Variants in ZNF292 observed in about 807,000 individuals in gnomAD.
ZNF292 encodes the protein 16 zinc-finger domain protein.
In ZNF292, 26 loss-of-function variants were observed where a neutral mutation model predicts 217.9. The observed-to-expected ratio is 0.12, with a 90% CI of 0.09 to 0.17. The LOEUF (loss-of-function observed/expected upper bound fraction) is 0.17. Among genes scored for constraint, ZNF292 ranks in the 10% least tolerant of loss-of-function variants. The pLI is 1.00. For missense variants in ZNF292, 2,904 were observed against 3,175.2 expected (o/e 0.91, Z 2.05); for synonymous variants, 1,257 against 1,124.1 (o/e 1.12, Z -2.37).
At chr6:87,176,153 A>ACTGCTT (rs1771284018) in intron 1 of ZNF292, among the ~76,000 whole-genome samples, 1 of 152,218 alleles carries the variant, frequency 6.6e-6, no homozygotes, top group Non-Finnish European at 1.5e-5. Flanking sequence ...GTCACCTTTA[A>ACTGCTT]CAGACTACAG....
At chr6:87,242,916 A>G (rs192073925) in intron 5 of ZNF292, among the ~76,000 whole-genome samples, 124 of 152,328 alleles carry the variant, frequency 8.1e-4, no homozygotes, top group African/African-American at 2.9e-3. Flanking sequence ...TGAAAAGAAA[A>G]ATAGTGGAGA....
rs765037711 is a variant in ZNF292 at position 87,245,675 on chromosome 6, A to T, written c.1020+31A>T. The T allele has an allele frequency of 3.0e-6, 4 of 1,318,312 alleles. No individual in the cohort carries two copies. The African/African-American group carries it at 6.0e-5, about 20-fold the overall frequency. 81.7% of individuals were successfully genotyped at this position (1,318,312 alleles called of 1,614,324 possible). ...AATAATCAGAATATTTTTAAGGTTA[A>T]AATGTGTACATTATCATTAATAAAA... On this transcript the variant is annotated intron_variant, in intron 7 of 7. Transcript: ENST00000369577.
chr6:87,225,541 G>C (rs1249574509), intron 4 of ZNF292, among the ~76,000 whole-genome samples: 1 of 152,070 alleles, frequency 6.6e-6, no homozygotes, highest in Non-Finnish European at 1.5e-5. Context: ...ATGAATTTCT[G>C]TGAAAAGTGT....
chr6:87,198,423 C>T (rs75962802), intron 1 of ZNF292, among the ~76,000 whole-genome samples: 1 of 152,264 alleles, frequency 6.6e-6, no homozygotes, highest in South Asian at 2.1e-4. Context: ...CTAGGATAGT[C>T]TTGATCTCCT....
chr6:87,244,753 C>A (rs1291255428), intron 6 of ZNF292, among the ~76,000 whole-genome samples: 1 of 151,844 alleles, frequency 6.6e-6, no homozygotes, highest in Non-Finnish European at 1.5e-5. Flanking sequence ...ATAATAATAA[C>A]CTTATTGTCA....
chr6:87,219,097 T>C (rs1227045382), intron 4 of ZNF292, among the ~76,000 whole-genome samples: 1 of 152,198 alleles, frequency 6.6e-6, no homozygotes, highest in Non-Finnish European at 1.5e-5. Flanking sequence ...AAGAAGTCAG[T>C]ACTAGAACTC....
intron 1 of ZNF292, among the ~76,000 whole-genome samples, chr6:87,192,845 G>A (rs1445969352): frequency 6.6e-6 from 1 of 152,074 alleles, no homozygotes; most frequent in Non-Finnish European, 1.5e-5. Flanking sequence ...TGCATTGCAC[G>A]TCCCTGTATT....
At chr6:87,175,102 C>T (rs1399075842) in intron 1 of ZNF292, among the ~76,000 whole-genome samples, 1 of 152,150 alleles carries the variant, frequency 6.6e-6, no homozygotes, top group Admixed American at 6.6e-5. Context: ...GTCTTTTAGC[C>T]TATGGACGAG....
chr6:87,163,988 A>T (rs150418218), intron 1 of ZNF292, among the ~76,000 whole-genome samples: 17 of 152,360 alleles, frequency 1.1e-4, no homozygotes, highest in African/African-American at 4.1e-4. Context: ...AGTTTGAGGC[A>T]TTGAAATAAA....
intron 1 of ZNF292, among the ~76,000 whole-genome samples, chr6:87,198,828 A>G (rs993672674): frequency 3.3e-5 from 5 of 152,230 alleles, no homozygotes; most frequent in Non-Finnish European, 5.9e-5. Flanking sequence ...AATGGGATAA[A>G]AGCTATCAAA....
In ZNF292 at chr6:87,256,538, T is replaced by TA; in HGVS notation, c.2910dup (p.His971ThrfsTer5). The TA allele has an allele frequency of 6.2e-7, 1 of 1,613,390 alleles. No homozygotes were observed. The highest frequency in any genetic ancestry group is 8.5e-7 in the Non-Finnish European group (1 of 1,179,826). ...AGTGGTGAAGCACTGGTCACAGACT[T>TA]ACATACGCCAGTTGAAGATACTTGT... On this transcript the variant is annotated frameshift_variant, in exon 8 of 8. Coordinates refer to ENST00000369577, the MANE Select transcript of ZNF292 (RefSeq NM_015021.3). LOFTEE classifies it high-confidence loss of function.
rs541734133 is a variant in ZNF292, at chr6:87,258,535, C to T, written c.4906C>T (p.Pro1636Ser). ...TTCTAAGAGAAGAAAGAAAGTTGCTCCTCCACTAATTGCACCTAACGCTTC... is the reference window on the plus strand; with the variant it reads ...TTCTAAGAGAAGAAAGAAAGTTGCTTCTCCACTAATTGCACCTAACGCTTC... ...SASKRRKKVA[P>S]PLIAPNASQN... Residue 1636 changes from proline to serine, a missense_variant, in exon 8 of 8, where the codon CCT (proline) becomes TCT (serine). Physicochemically the swap from Pro to Ser is moderately conservative, Grantham distance 74. Around this residue, in one of 15 missense-constraint regions of ZNF292, gnomAD observed 622 missense variants for 573.1 expected, o/e 1.09. Coordinates refer to ENST00000369577, the MANE Select transcript of ZNF292 (RefSeq NM_015021.3). 5 of 1,613,588 alleles carry T rather than the reference C, an allele frequency of 3.1e-6. No homozygotes were observed. Among genetic ancestry groups the T allele is most frequent in the Middle Eastern group, 3.3e-4 (2 of 6,060 alleles).
At chr6:87,208,894 A>G (rs1320250073) in intron 1 of ZNF292, among the ~76,000 whole-genome samples, 1 of 152,196 alleles carries the variant, frequency 6.6e-6, no homozygotes, top group East Asian at 1.9e-4. Context: ...TGCTGTCTAT[A>G]GGGAGTATGT....
chr6:87,235,790 CTT>C (rs771837325), intron 5 of ZNF292, among the ~76,000 whole-genome samples: 9 of 152,146 alleles, frequency 5.9e-5, no homozygotes, highest in Non-Finnish European at 1.0e-4. Context: ...AGAATTAAGA[CTT>C]TTCATGTTCA....
chr6:87,234,703 A>G lies in ZNF292; in HGVS notation c.741+1176A>G, dbSNP rs1046075019. On this transcript the variant is annotated intron_variant, in intron 5 of 7. Coordinates refer to ENST00000369577, the MANE Select transcript of ZNF292 (RefSeq NM_015021.3). The stretch of plus-strand genomic sequence containing the variant: ...ATAGAGAGGAAAACAAAGGGATTGT[A>G]GGTAAAACATAAGGATATGTTAAGG... Among the ~76,000 whole-genome samples the G allele has an allele frequency of 8.5e-5, 13 of 152,306 alleles. No individual in the cohort carries two copies. The East Asian group carries it at 1.3e-3, about 16-fold the overall frequency.
rs1205864887 is a variant in ZNF292 at position 87,162,585 on chromosome 6, T to A, written c.168+6826T>A. Among the ~76,000 whole-genome samples the A allele has an allele frequency of 5.3e-5, 8 of 152,234 alleles. No homozygotes were observed. The East Asian group carries it at 1.5e-3, about 29-fold the overall frequency. ...TGGGAAATAATTTTTTAAATGTTCA[T>A]AATTAGTATGATTGCATGTTAGAGA... On this transcript the variant is annotated intron_variant, in intron 1 of 7. Transcript: ENST00000369577.
At position 87,265,803 on chromosome 6, in the gene ZNF292, A is replaced by G. The variant is rs1775785703; in HGVS notation, c.*4002A>G. On this transcript the variant is annotated 3_prime_UTR_variant, in exon 8 of 8. Coordinates refer to ENST00000369577, the MANE Select transcript of ZNF292 (RefSeq NM_015021.3). ...AAATGGTGATTATTCTGATTGATCA[A>G]TTTATATATCCCAATGGGTTGATTC... Among the ~76,000 whole-genome samples the G allele has an allele frequency of 6.6e-6, 1 of 152,188 alleles. No individual in the cohort carries two copies. The highest frequency in any genetic ancestry group is 6.5e-5 in the Admixed American group (1 of 15,276).
In ZNF292 at chr6:87,199,319, G is replaced by T. The variant is rs993848533; in HGVS notation, c.169-16584G>T. Among the ~76,000 whole-genome samples, 2 of 152,044 alleles carry T rather than the reference G, an allele frequency of 1.3e-5. 1 individual carries two copies. The highest frequency in any genetic ancestry group is 1.3e-4 in the Admixed American group (2 of 15,264). On this transcript the variant is annotated intron_variant, in intron 1 of 7. Coordinates refer to ENST00000369577, the MANE Select transcript of ZNF292 (RefSeq NM_015021.3). ...GGTGAACTGTCCATTTAAATCTTTT[G>T]CCCATTTTAAAAAACCAGGTTGTCT...
chr6:87,260,427 A>G lies in ZNF292; in HGVS notation c.6798A>G (p.Ile2266Met), dbSNP rs1019418966. The G allele has an allele frequency of 1.9e-6, 3 of 1,613,572 alleles. No homozygotes were observed. Among genetic ancestry groups the G allele is most frequent in the Non-Finnish European group, 2.5e-6 (3 of 1,179,712 alleles). The change falls in exon 8 of 8, where the codon ATA becomes ATG. Residue 2266 changes from isoleucine to methionine, a missense_variant. By Grantham distance (10) the Ile-to-Met change is conservative. Coordinates refer to ENST00000369577, the MANE Select transcript of ZNF292 (RefSeq NM_015021.3). ...YKCDCEGCDRIYATRSNLLRH... is the reference protein window; with the variant it reads ...YKCDCEGCDRMYATRSNLLRH... ...GTGATTGTGAAGGCTGTGACCGTAT[A>G]TATGCAACCCGGTCGAATCTCCTCC...
Sources: gnomAD v4.1 joint callset for allele counts (sites outside exome capture counted in the v4.1 genomes callset) on GRCh38, gnomAD v4.1.1 for gene constraint, gnomAD v4.1.1 regional missense constraint, MANE v1.5 for transcripts, NCBI Gene and HGNC (gene_info 2026-07-23, HGNC 2026-07-21) for gene names.